The following BABAM2 variants were observed in gnomAD, a reference collection of about 807,000 sequenced individuals.
BABAM2 encodes BRISC and BRCA1 A complex member 2.
BABAM2 carries 31 observed loss-of-function variants against 54.7 expected under a neutral mutation model. The ratio of observed to expected loss-of-function variants is 0.57; its 90% confidence interval spans 0.43 to 0.77. BABAM2 has a LOEUF of 0.77. BABAM2 is among the 30% of genes least tolerant of loss of function. The pLI, the probability that BABAM2 is intolerant of heterozygous loss-of-function variation, is 0.00. For synonymous variants in BABAM2, 167 were observed against 162.9 expected (o/e 1.03, Z -0.19); for missense variants, 364 against 455.8 (o/e 0.80, Z 1.83).
chr2:28,152,977 C>G (rs1672198607), intron 7 of BABAM2, among the ~76,000 whole-genome samples: 1 of 152,098 alleles, frequency 6.6e-6, no homozygotes, highest in Admixed American at 6.6e-5. Context: ...CAAAGCCATC[C>G]TCTTCATTTA....
chr2:28,254,739 T>A (rs1683821132), intron 10 of BABAM2, among the ~76,000 whole-genome samples: 1 of 149,174 alleles, frequency 6.7e-6, no homozygotes, highest in African/African-American at 2.5e-5. Flanking sequence ...TTTTTTTTTT[T>A]TTTTTTTTTT....
At chr2:28,070,820 A>G (rs1664067776) in intron 6 of BABAM2, among the ~76,000 whole-genome samples, 1 of 152,150 alleles carries the variant, frequency 6.6e-6, no homozygotes, top group Admixed American at 6.5e-5. Flanking sequence ...TGTAAAGTTC[A>G]TTGAACTTTA....
intron 10 of BABAM2, among the ~76,000 whole-genome samples, chr2:28,253,817 TTACTG>T (rs1665052554): frequency 6.6e-6 from 1 of 152,148 alleles, no homozygotes; most frequent in African/African-American, 2.4e-5. Context: ...AGCAGAGACA[TTACTG>T]TTCTGAAGAC....
chr2:28,203,932 A>G (rs189788081), intron 7 of BABAM2, among the ~76,000 whole-genome samples: 6 of 152,308 alleles, frequency 3.9e-5, no homozygotes, highest in Admixed American at 3.9e-4. Flanking sequence ...GCACTTGCCA[A>G]TGCTTGTCCT....
chr2:28,155,034 T>A (rs1458744493), intron 7 of BABAM2, among the ~76,000 whole-genome samples: 1 of 152,190 alleles, frequency 6.6e-6, no homozygotes, highest in Non-Finnish European at 1.5e-5. Flanking sequence ...CTCTTTTGCT[T>A]CTGTAAACTA....
At chr2:28,201,696 A>C (rs944343957) in intron 7 of BABAM2, among the ~76,000 whole-genome samples, 1 of 152,226 alleles carries the variant, frequency 6.6e-6, no homozygotes, top group Non-Finnish European at 1.5e-5. Context: ...TGGCTCTATC[A>C]GGAGTCTCAT....
intron 2 of BABAM2, among the ~76,000 whole-genome samples, chr2:27,905,476 T>G (rs1247678135): frequency 6.6e-6 from 1 of 152,176 alleles, no homozygotes; most frequent in Non-Finnish European, 1.5e-5. Context: ...TAAGTAGTTA[T>G]GGGGGTGAAA....
intron 3 of BABAM2, among the ~76,000 whole-genome samples, chr2:27,973,023 C>T (rs1455427099): frequency 1.3e-5 from 2 of 151,872 alleles, no homozygotes; most frequent in African/African-American, 4.8e-5. Flanking sequence ...CCGCCTCGGC[C>T]TCCCAAAGTG....
intron 11 of BABAM2, among the ~76,000 whole-genome samples, chr2:28,319,959 TCCA>T (rs558330804): frequency 0.014 from 2,064 of 152,118 alleles, 56 homozygotes; most frequent in African/African-American, 0.046. Context: ...GTGGCGGCAT[TCCA>T]CCGGGACACC....
intron 10 of BABAM2, among the ~76,000 whole-genome samples, chr2:28,295,295 A>T (rs1306689770): frequency 1.3e-5 from 2 of 152,206 alleles, no homozygotes; most frequent in African/African-American, 2.4e-5. Flanking sequence ...ATTGCTTTGG[A>T]TACTGAGTGA....
intron 4 of BABAM2, among the ~76,000 whole-genome samples, chr2:28,013,559 T>C (rs1160511804): frequency 6.6e-6 from 1 of 151,258 alleles, no homozygotes; most frequent in Admixed American, 6.6e-5. Context: ...TATATAACTG[T>C]CATATTCTGT....
At chr2:27,935,347 C>G (rs1668414089) in intron 3 of BABAM2, among the ~76,000 whole-genome samples, 1 of 152,214 alleles carries the variant, frequency 6.6e-6, no homozygotes, top group Admixed American at 6.5e-5. Context: ...TGCTCATTGA[C>G]AGTGCACTTT....
chr2:27,944,852 G>A (rs533145512), intron 3 of BABAM2, among the ~76,000 whole-genome samples: 3 of 152,120 alleles, frequency 2.0e-5, no homozygotes, highest in South Asian at 4.2e-4. Flanking sequence ...AATTTATGAG[G>A]TTCTAGTTCT....
intron 3 of BABAM2, among the ~76,000 whole-genome samples, chr2:27,952,171 A>G (rs769517211): frequency 1.3e-5 from 2 of 152,148 alleles, no homozygotes; most frequent in Admixed American, 6.5e-5. Flanking sequence ...CATCTTTTCC[A>G]TTGTTTTATT....
intron 6 of BABAM2, among the ~76,000 whole-genome samples, chr2:28,098,780 G>A (rs1558333304): frequency 6.6e-6 from 1 of 152,130 alleles, no homozygotes; most frequent in Non-Finnish European, 1.5e-5. Flanking sequence ...ACCAAAGCTA[G>A]GGAAAGAATA....
chr2:28,179,134 T>C (rs1161092922), intron 7 of BABAM2, among the ~76,000 whole-genome samples: 1 of 152,066 alleles, frequency 6.6e-6, no homozygotes, highest in East Asian at 1.9e-4. Flanking sequence ...CTTAACTCAT[T>C]CTATGAGGCC....
At chr2:28,151,968 T>A (rs1672093592) in intron 7 of BABAM2, among the ~76,000 whole-genome samples, 1 of 152,114 alleles carries the variant, frequency 6.6e-6, no homozygotes, top group Non-Finnish European at 1.5e-5. Context: ...ACAACTGGAT[T>A]ATTTACATGG....
At chr2:28,234,655 G>A (rs941311008) in intron 7 of BABAM2, among the ~76,000 whole-genome samples, 8 of 152,176 alleles carry the variant, frequency 5.3e-5, no homozygotes, top group Non-Finnish European at 8.8e-5. Context: ...TGAGTAGCTT[G>A]GATCTTGCCA....
chr2:27,981,344 A>G (rs1671983888), intron 3 of BABAM2, among the ~76,000 whole-genome samples: 1 of 152,206 alleles, frequency 6.6e-6, no homozygotes, highest in Non-Finnish European at 1.5e-5. Context: ...AAAAATAAAA[A>G]CAGCTTTATT....
Sources: allele counts gnomAD v4.1 joint callset (sites outside exome capture counted in the v4.1 genomes callset), GRCh38; gene constraint gnomAD v4.1.1; transcripts MANE v1.5; gene names NCBI Gene and HGNC (gene_info 2026-07-23, HGNC 2026-07-21).